The following FHIT variants were observed in gnomAD, a reference collection of about 807,000 sequenced individuals.
FHIT encodes fragile histidine triad diadenosine triphosphatase.
FHIT carries 19 observed loss-of-function variants against 17.9 expected under a neutral mutation model. The observed-to-expected ratio is 1.06, with a 90% confidence interval of 0.74 to 1.56. The LOEUF is 1.56. Ranked by LOEUF, FHIT falls within the 40% of genes most tolerant of loss-of-function variation. The probability of loss-of-function intolerance (pLI) is 0.00; values close to 1 mark genes in which losing one functional copy is unlikely to be tolerated. For missense variants in FHIT, 248 were observed against 189.2 expected (o/e 1.31, Z -1.82); for synonymous variants, 81 against 69.7 (o/e 1.16, Z -0.81).
chr3:60,375,586 A>G (rs1226896342), intron 5 of FHIT, among the ~76,000 whole-genome samples: 1 of 152,114 alleles, frequency 6.6e-6, no homozygotes, highest in Non-Finnish European at 1.5e-5. Flanking sequence ...CTCAAAAAAT[A>G]TATATTGAAA....
At chr3:60,158,716 G>A (rs1436511660) in intron 5 of FHIT, among the ~76,000 whole-genome samples, 1 of 152,126 alleles carries the variant, frequency 6.6e-6, no homozygotes, top group Non-Finnish European at 1.5e-5. Context: ...ACTTCATTAT[G>A]AAAAACAGGT....
intron 3 of FHIT, among the ~76,000 whole-genome samples, chr3:60,861,281 T>C (rs1553752529): frequency 1.9e-5 from 1 of 53,148 alleles, no homozygotes; most frequent in Admixed American, 2.2e-4. Context: ...TATATCTTTC[T>C]TTTTTTTTTC....
At chr3:60,733,660 A>T (rs1415335350) in intron 4 of FHIT, among the ~76,000 whole-genome samples, 1 of 152,070 alleles carries the variant, frequency 6.6e-6, no homozygotes, top group East Asian at 1.9e-4. Context: ...TTCATTCCTC[A>T]TTACCAAACT....
At chr3:60,198,298 T>G (rs1033128585) in intron 5 of FHIT, among the ~76,000 whole-genome samples, 7 of 152,190 alleles carry the variant, frequency 4.6e-5, no homozygotes, top group African/African-American at 1.7e-4. Context: ...TTTACTAACC[T>G]AAGTGCATAT....
At chr3:60,100,792 A>G (rs540240626) in intron 5 of FHIT, among the ~76,000 whole-genome samples, 18 of 152,288 alleles carry the variant, frequency 1.2e-4, no homozygotes, top group African/African-American at 4.3e-4. Context: ...GAGACACACC[A>G]TCATCTATGT....
At chr3:60,014,244 C>G in intron 5 of FHIT, 92 bp from the exon 6 acceptor site, 1 of 1,297,478 alleles carries the variant, frequency 7.7e-7, no homozygotes, top group Non-Finnish European at 1.1e-6. Context: ...CCTCTCGGAC[C>G]AGGGCCTGAA....
chr3:59,815,823 C>T (rs1320216859), intron 8 of FHIT, among the ~76,000 whole-genome samples: 1 of 151,982 alleles, frequency 6.6e-6, no homozygotes, highest in Non-Finnish European at 1.5e-5. Flanking sequence ...CAAAATCTCA[C>T]AAATCACCAC....
chr3:60,340,828 C>T (rs1487530648), intron 5 of FHIT, among the ~76,000 whole-genome samples: 1 of 152,020 alleles, frequency 6.6e-6, no homozygotes, highest in Non-Finnish European at 1.5e-5. Context: ...TTGCCTCAGC[C>T]TACCAAATAT....
At chr3:60,284,081 T>C (rs1707598757) in intron 5 of FHIT, among the ~76,000 whole-genome samples, 2 of 152,038 alleles carry the variant, frequency 1.3e-5, no homozygotes, top group Admixed American at 1.3e-4. Flanking sequence ...CATAAAAAGA[T>C]AGGTTTAGTA....
intron 3 of FHIT, among the ~76,000 whole-genome samples, chr3:60,875,264 T>A (rs1243772210): frequency 6.6e-6 from 1 of 152,192 alleles, no homozygotes; most frequent in East Asian, 1.9e-4. Context: ...TTCTGTACCA[T>A]GTGTGTAGAT....
At chr3:60,676,698 A>C (rs1309413279) in intron 4 of FHIT, among the ~76,000 whole-genome samples, 1 of 152,192 alleles carries the variant, frequency 6.6e-6, no homozygotes, top group African/African-American at 2.4e-5. Context: ...CCTCTCCTGG[A>C]AAATCTTGGG....
chr3:60,339,614 AAAG>A (rs2106892376), intron 5 of FHIT, among the ~76,000 whole-genome samples: 1 of 152,312 alleles, frequency 6.6e-6, no homozygotes, highest in South Asian at 2.1e-4. Flanking sequence ...CCTGCCTCAG[AAAG>A]AAGAATCCCA....
In FHIT at chr3:60,823,051, T is replaced by C. The variant is rs9853053; in HGVS notation, c.-110-1040A>G. On this transcript the variant is annotated intron_variant, in intron 3 of 9. Transcript: ENST00000492590. Reference sequence around the variant, plus strand: ...TTACATGGTCAGCTCAATGTAGTAATTGAAAGCAGATGATCATTCATTTAA... The same window carrying C: ...TTACATGGTCAGCTCAATGTAGTAACTGAAAGCAGATGATCATTCATTTAA... Among the ~76,000 whole-genome samples, 781 of 152,308 alleles carry C rather than the reference T, an allele frequency of 5.1e-3. 9 individuals carry two copies. The highest frequency in any genetic ancestry group is 0.024 in the Middle Eastern group (7 of 294).
At chr3:59,968,676 A>AT (rs1465391891) in intron 7 of FHIT, among the ~76,000 whole-genome samples, 1 of 152,102 alleles carries the variant, frequency 6.6e-6, no homozygotes, top group African/African-American at 2.4e-5. Flanking sequence ...ATTACTCCCC[A>AT]TTAAGTCCAT....
chr3:60,600,468 A>T (rs2038407718), intron 4 of FHIT, among the ~76,000 whole-genome samples: 1 of 152,194 alleles, frequency 6.6e-6, no homozygotes, highest in Admixed American at 6.5e-5. Flanking sequence ...TTTTAAAAGT[A>T]AGAAAATGAT....
In FHIT at chr3:60,422,751, G is replaced by A. The variant is rs17063050; in HGVS notation, c.103+114109C>T. On this transcript the variant is annotated intron_variant, in intron 5 of 9. Coordinates refer to ENST00000492590, the MANE Select transcript of FHIT (RefSeq NM_002012.4). ...CTCTTCCACAAATAGCAGCCTGGGT[G>A]ATCTTTTTGTAATGAAAATTCTATC... Among the ~76,000 whole-genome samples the A allele has an allele frequency of 4.8e-3, 730 of 152,172 alleles. 7 individuals are homozygous for A. The highest frequency in any genetic ancestry group is 0.036 in the East Asian group (184 of 5,158).
chr3:61,183,087 A>G (rs1200945097), intron 2 of FHIT, among the ~76,000 whole-genome samples: 2 of 152,238 alleles, frequency 1.3e-5, no homozygotes, highest in African/African-American at 2.4e-5. Context: ...GAGACACAGT[A>G]GTAGAGGTCA....
chr3:60,394,411 A>G (rs1035635898), intron 5 of FHIT, among the ~76,000 whole-genome samples: 2 of 152,152 alleles, frequency 1.3e-5, no homozygotes, highest in African/African-American at 4.8e-5. Flanking sequence ...GTACCTACAA[A>G]TGTTATGTTA....
intron 5 of FHIT, among the ~76,000 whole-genome samples, chr3:60,065,689 T>C (rs1382963690): frequency 1.3e-5 from 2 of 152,154 alleles, no homozygotes; most frequent in East Asian, 3.9e-4. Context: ...GAATTACACA[T>C]CTACAGAGCT....
Sources: allele counts gnomAD v4.1 joint callset (sites outside exome capture counted in the v4.1 genomes callset), GRCh38; gene constraint gnomAD v4.1.1; transcripts MANE v1.5; gene names NCBI Gene and HGNC (gene_info 2026-07-23, HGNC 2026-07-21).